CNIH3: variants seen among roughly 807,000 people sequenced by gnomAD.
The protein encoded by CNIH3 is protein cornichon homolog 3.
In CNIH3, 14 loss-of-function variants were observed where a neutral mutation model predicts 24.1. The observed-to-expected ratio is 0.58, with a 90% CI of 0.38 to 0.91. CNIH3 has a LOEUF of 0.91. Ranked by LOEUF, CNIH3 falls within the 40% of genes least tolerant of loss-of-function variation. The pLI, the probability that CNIH3 is intolerant of heterozygous loss-of-function variation, is 0.00. For missense variants in CNIH3, 178 were observed against 196.8 expected (o/e 0.90, Z 0.57); for synonymous variants, 68 against 73.8 (o/e 0.92, Z 0.40).
intron 3 of CNIH3, among the ~76,000 whole-genome samples, chr1:224,711,794 CAAAAAAAAA>C (rs11437581): frequency 3.0e-5 from 2 of 65,670 alleles, no homozygotes; most frequent in African/African-American, 6.2e-5. Context: ...GACCCTGTCT[CAAAAAAAAA>C]AAAAAAAAAA....
chr1:224,638,773 C>T (rs1213139388), intron 1 of CNIH3, among the ~76,000 whole-genome samples: 1 of 152,254 alleles, frequency 6.6e-6, no homozygotes, highest in African/African-American at 2.4e-5. Context: ...CTTATCTTCT[C>T]ATGATCCTGC....
In CNIH3 at chr1:224,674,272, G is replaced by GTTTTTTTTTTTTTTTT. The variant is rs71170028; in HGVS notation, c.82-6666_82-6651dup. ...AATCGTTTCTTCATCTTCCAGGAAG[G>GTTTTTTTTTTTTTTTT]TTTTTTTTTTTTTTTTTTTTTTTTT... On this transcript the variant is annotated intron_variant, in intron 1 of 5. Coordinates refer to ENST00000272133, the MANE Select transcript of CNIH3 (RefSeq NM_152495.2). 2.6e-4 allele frequency among the ~76,000 whole-genome samples: 19 copies of GTTTTTTTTTTTTTTTT among 72,074 alleles called. 1 individual carries two copies. Among genetic ancestry groups the GTTTTTTTTTTTTTTTT allele is most frequent in the Non-Finnish European group, 3.5e-4 (13 of 37,650 alleles). The allele number at this position is 72,074 out of a possible 152,430, so 47.3% of individuals were successfully genotyped here.
chr1:224,454,824 T>C (rs1248590243), intron 1 of CNIH3, among the ~76,000 whole-genome samples: 1 of 151,558 alleles, frequency 6.6e-6, no homozygotes, highest in African/African-American at 2.4e-5. Flanking sequence ...AAGGATTAAC[T>C]AGAGGGAGGA....
chr1:224,699,571 C>T (rs977907721), intron 3 of CNIH3, among the ~76,000 whole-genome samples: 2 of 152,218 alleles, frequency 1.3e-5, no homozygotes, highest in Non-Finnish European at 2.9e-5. Flanking sequence ...GATCATTCCT[C>T]TGTGTGTCCG....
rs117665215 is a variant in CNIH3 at position 224,683,790 on chromosome 1, G to A, written c.151-1006G>A. ...CTCTGGCTTGCTGGAGAAGGAGCTA[G>A]TGCGTGTCTTGTAGCATTCCCTTTC... On this transcript the variant is annotated intron_variant, in intron 2 of 5. Transcript: ENST00000272133. Among the ~76,000 whole-genome samples the A allele has an allele frequency of 2.8e-3, 422 of 152,326 alleles. 6 individuals are homozygous for A. In the East Asian group the frequency reaches 0.029, roughly 10 times the overall value.
chr1:224,445,714 T>C (rs1487396281), intron 1 of CNIH3, among the ~76,000 whole-genome samples: 1 of 152,204 alleles, frequency 6.6e-6, no homozygotes, highest in Admixed American at 6.5e-5. Context: ...GGTTTGCTTT[T>C]GCTCTCTTAA....
At chr1:224,679,011 A>G (rs1041679976) in intron 1 of CNIH3, among the ~76,000 whole-genome samples, 1 of 152,202 alleles carries the variant, frequency 6.6e-6, no homozygotes, top group African/African-American at 2.4e-5. Flanking sequence ...CGATAAAAGA[A>G]TGAATGCTAC....
At chr1:224,629,427 T>C (rs6672413) in intron 1 of CNIH3, among the ~76,000 whole-genome samples, 33,239 of 152,142 alleles carry the variant, frequency 0.22, 3,939 homozygotes, top group African/African-American at 0.31. Context: ...GGCTGTGTCA[T>C]GGGCCACGGC....
intron 5 of CNIH3, 27 bp from the exon 6 acceptor site, chr1:224,739,295 CTTTTTTT>C (rs11342205): frequency 1.5e-3 from 2,005 of 1,337,920 alleles, no homozygotes; most frequent in East Asian, 4.5e-3. Flanking sequence ...ACCTTCCTCT[CTTTTTTT>C]TTTTTTTTTT....
intron 1 of CNIH3, among the ~76,000 whole-genome samples, chr1:224,632,729 C>G (rs1019033953): frequency 2.6e-5 from 4 of 152,036 alleles, no homozygotes; most frequent in Non-Finnish European, 4.4e-5. Flanking sequence ...ATGACTTATC[C>G]TGGAATAATT....
chr1:224,713,685 G>T (rs1245577152), intron 3 of CNIH3, among the ~76,000 whole-genome samples: 2 of 152,182 alleles, frequency 1.3e-5, no homozygotes, highest in Non-Finnish European at 2.9e-5. Context: ...ATATAGCCCA[G>T]TTTATTGGAA....
chr1:224,601,489 CT>C (rs1682207857), intron 3 of CNIH3, among the ~76,000 whole-genome samples: 3 of 151,888 alleles, frequency 2.0e-5, no homozygotes, highest in Non-Finnish European at 4.4e-5. Flanking sequence ...TCTTTTCTAT[CT>C]ATTGGGAGAC....
intron 1 of CNIH3, among the ~76,000 whole-genome samples, chr1:224,442,867 G>A (rs1674980784): frequency 6.6e-6 from 1 of 152,106 alleles, no homozygotes; most frequent in African/African-American, 2.4e-5. Context: ...GGGTTAAAAG[G>A]AAAAATGGAG....
At position 224,616,768 on chromosome 1, in the gene CNIH3, C is replaced by G; in HGVS notation, c.-407C>G. 2 of 1,026,230 alleles carry G rather than the reference C, an allele frequency of 1.9e-6. No homozygotes were observed. The highest frequency in any genetic ancestry group is 2.3e-6 in the Non-Finnish European group (2 of 856,608). 63.6% of individuals were successfully genotyped at this position (1,026,230 alleles called of 1,614,324 possible). ...TCCTCAGCGGTTTAGTGGAGAAAAG[C>G]AGAGAGCTCTTCCTGGGGCGAATGG... On this transcript the variant is annotated 5_prime_UTR_variant, in exon 1 of 6. Transcript: ENST00000272133.
At chr1:224,618,535 G>A (rs1366635616) in intron 1 of CNIH3, among the ~76,000 whole-genome samples, 1 of 152,220 alleles carries the variant, frequency 6.6e-6, no homozygotes, top group African/African-American at 2.4e-5. Flanking sequence ...AGCTAGAGCA[G>A]CTCCTGCTAC....
At chr1:224,618,232 A>C (rs1424229230) in intron 1 of CNIH3, among the ~76,000 whole-genome samples, 1 of 152,246 alleles carries the variant, frequency 6.6e-6, no homozygotes, top group Admixed American at 6.5e-5. Flanking sequence ...TAAGCCCCCT[A>C]TCCTCACCCT....
intron 1 of CNIH3, among the ~76,000 whole-genome samples, chr1:224,494,800 C>A (rs935172824): frequency 6.6e-6 from 1 of 152,182 alleles, no homozygotes; most frequent in Admixed American, 6.5e-5. Flanking sequence ...CAGATTGATT[C>A]TGAACTGGAC....
intron 4 of CNIH3, among the ~76,000 whole-genome samples, chr1:224,577,423 A>G (rs1681081062): frequency 6.6e-6 from 1 of 152,038 alleles, no homozygotes; most frequent in Admixed American, 6.6e-5. Context: ...ATTCTCAACA[A>G]ATATATATAT....
At chr1:224,585,174 G>A (rs1164558285) in intron 5 of CNIH3, among the ~76,000 whole-genome samples, 1 of 152,108 alleles carries the variant, frequency 6.6e-6, no homozygotes, top group Non-Finnish European at 1.5e-5. Flanking sequence ...CCAAGCCTTT[G>A]CACTTGCCCT....
Sources: gnomAD v4.1 joint callset for allele counts (sites outside exome capture counted in the v4.1 genomes callset) on GRCh38, gnomAD v4.1.1 for gene constraint, MANE v1.5 for transcripts, NCBI Gene and HGNC (gene_info 2026-07-23, HGNC 2026-07-21) for gene names.